DAB2IP: variants seen among roughly 807,000 people sequenced by gnomAD.
The protein encoded by DAB2IP is disabled homolog 2-interacting protein.
A neutral mutation model predicts 107.2 loss-of-function variants in DAB2IP; 28 were observed. The ratio of observed to expected loss-of-function variants is 0.26; its 90% CI spans 0.19 to 0.36. The LOEUF (loss-of-function observed/expected upper bound fraction) is 0.36. Ranked by LOEUF, DAB2IP falls within the 10% of genes least tolerant of loss-of-function variation. DAB2IP has a pLI of 1.00. For missense variants in DAB2IP, 1,400 were observed against 1,644.7 expected, an observed-to-expected ratio of 0.85 and a Z score of 2.57; for synonymous variants, 755 against 706.4, an observed-to-expected ratio of 1.07 and a Z score of -1.09.
At chr9:121,764,115 C>G (rs572753462) in intron 8 of DAB2IP, among the ~76,000 whole-genome samples, 1 of 152,332 alleles carries the variant, frequency 6.6e-6, no homozygotes, top group South Asian at 2.1e-4. Context: ...GAGGGAGCGC[C>G]CTTCATGTGC....
At chr9:121,732,162 A>G (rs904494978) in intron 3 of DAB2IP, among the ~76,000 whole-genome samples, 7 of 152,194 alleles carry the variant, frequency 4.6e-5, no homozygotes, top group Non-Finnish European at 1.0e-4. Context: ...GGTAGCATTC[A>G]GCCCCTGGCA....
At chr9:121,637,648 G>T (rs1158888533) in intron 1 of DAB2IP, among the ~76,000 whole-genome samples, 1 of 152,176 alleles carries the variant, frequency 6.6e-6, no homozygotes, top group Non-Finnish European at 1.5e-5. Context: ...GAAGGTTTGG[G>T]TCTGAAATGA....
chr9:121,750,056 C>G (rs1832995756), intron 3 of DAB2IP, among the ~76,000 whole-genome samples: 1 of 152,190 alleles, frequency 6.6e-6, no homozygotes, highest in Admixed American at 6.5e-5. Context: ...ATGGGAGTCA[C>G]TGACACCCCT....
rs1248552059 is a variant in DAB2IP, at chr9:121,783,365, CT to C, written c.*869del. 3 of 1,501,470 alleles carry C rather than the reference CT, an allele frequency of 2.0e-6. No individual in the cohort carries two copies. The African/African-American group carries it at 4.2e-5, about 21-fold the overall frequency. 93.0% of individuals were successfully genotyped at this position (1,501,470 alleles called of 1,614,324 possible). A position where few individuals can be genotyped will look rare whatever the true frequency, so the allele number is the denominator to read the frequency against. ...AGATGGCTCTGAGCACTGTATCTGC[CT>C]TCTCCTGGGGCCCAGCACACCCAGG... is the stretch of plus-strand genomic sequence containing the variant. On this transcript the variant is annotated 3_prime_UTR_variant, in exon 16 of 16. Transcript: ENST00000408936.
chr9:121,713,952 CA>C (rs1830463913), intron 3 of DAB2IP, among the ~76,000 whole-genome samples: 2 of 152,154 alleles, frequency 1.3e-5, no homozygotes. Context: ...TGATCTGGGA[CA>C]AGTCACCTAA....
At chr9:121,664,141 A>C (rs1225418627) in intron 1 of DAB2IP, among the ~76,000 whole-genome samples, 1 of 152,266 alleles carries the variant, frequency 6.6e-6, no homozygotes. Context: ...GTTGAAAAAC[A>C]TATCTTTTCC....
In DAB2IP at chr9:121,662,196, T is replaced by C. The variant is rs1343407774; in HGVS notation, c.124+10297T>C. 6.6e-6 allele frequency among the ~76,000 whole-genome samples: 1 copy of C among 152,156 alleles called. No individual in the cohort carries two copies. Among genetic ancestry groups the C allele is most frequent in the Non-Finnish European group, 1.5e-5 (1 of 68,046 alleles). On this transcript the variant is annotated intron_variant, in intron 1 of 15. Coordinates refer to ENST00000408936, the Ensembl canonical transcript of DAB2IP. This position sits in a 1 kb window ranked among gnomAD's most constrained non-coding sequence, Gnocchi z 4.6. ...TAGAACAGAAAAGCATAGAAAATAA[T>C]ATTGCAGACACCCACCTCTCAGGTT...
At chr9:121,688,749 G>C (rs547158105) in intron 2 of DAB2IP, among the ~76,000 whole-genome samples, 1 of 152,340 alleles carries the variant, frequency 6.6e-6, no homozygotes, top group East Asian at 1.9e-4. Flanking sequence ...CTCACCTGTG[G>C]CAGGCTCATG....
intron 1 of DAB2IP, among the ~76,000 whole-genome samples, chr9:121,655,704 C>T (rs1832942902): frequency 6.6e-6 from 1 of 152,170 alleles, no homozygotes; most frequent in South Asian, 2.1e-4. Context: ...GCTCTCCTGC[C>T]TCTTGGAATG....
At chr9:121,780,875 T>C (rs1835571547) in intron 14 of DAB2IP, among the ~76,000 whole-genome samples, 2 of 152,204 alleles carry the variant, frequency 1.3e-5, no homozygotes, top group African/African-American at 4.8e-5. Context: ...CTCCTACTGA[T>C]GTGCGACCTC....
chr9:121,587,839 G>GT (rs1304459726), intron 1 of DAB2IP, among the ~76,000 whole-genome samples: 1 of 151,942 alleles, frequency 6.6e-6, no homozygotes, highest in African/African-American at 2.4e-5. Flanking sequence ...AAAATGGGTA[G>GT]TTTTTTCAGT....
chr9:121,695,832 C>T (rs1829395293), intron 2 of DAB2IP, among the ~76,000 whole-genome samples: 1 of 152,202 alleles, frequency 6.6e-6, no homozygotes, highest in Admixed American at 6.5e-5. Context: ...GTCGGCTACA[C>T]TCTGAGCCTA....
At chr9:121,690,011 G>T (rs948242453) in intron 2 of DAB2IP, among the ~76,000 whole-genome samples, 1 of 152,184 alleles carries the variant, frequency 6.6e-6, no homozygotes, top group Non-Finnish European at 1.5e-5. Flanking sequence ...CAAATTAGTT[G>T]CCCTTTCTGA....
exon 12 of DAB2IP, chr9:121,773,178 C>T (rs749808489): frequency 1.3e-5 from 20 of 1,595,586 alleles, no homozygotes; most frequent in Middle Eastern, 3.3e-4. Flanking sequence ...GGAGCTGGCT[C>T]GGCGGCCCGG....
intron 7 of DAB2IP, 36 bp from the exon 8 acceptor site, chr9:121,763,699 G>A (rs776295877): frequency 2.5e-6 from 4 of 1,612,082 alleles, no homozygotes; most frequent in Non-Finnish European, 3.4e-6. Context: ...GGCCCGCCAG[G>A]TCCTCACTCC....
chr9:121,659,272 A>G (rs1321116044), intron 1 of DAB2IP, among the ~76,000 whole-genome samples: 1 of 152,202 alleles, frequency 6.6e-6, no homozygotes, highest in Non-Finnish European at 1.5e-5. Flanking sequence ...TAAATTGGTA[A>G]TCTGGAATAA....
intron 1 of DAB2IP, among the ~76,000 whole-genome samples, chr9:121,574,319 C>A (rs1830010596): frequency 6.6e-6 from 1 of 152,068 alleles, no homozygotes; most frequent in Admixed American, 6.5e-5. Flanking sequence ...GCCTCCATTT[C>A]CCCATCTGTG....
intron 3 of DAB2IP, among the ~76,000 whole-genome samples, chr9:121,742,257 G>T (rs1012524246): frequency 1.3e-5 from 2 of 152,162 alleles, no homozygotes; most frequent in South Asian, 4.1e-4. Context: ...GTGAAACCCC[G>T]TCTCTACTAA....
At chr9:121,714,731 C>G (rs997177239) in intron 3 of DAB2IP, among the ~76,000 whole-genome samples, 2 of 152,216 alleles carry the variant, frequency 1.3e-5, no homozygotes, top group South Asian at 4.1e-4. Context: ...AATTGTCCTA[C>G]AGGTGACTGT....
Sources: gnomAD v4.1 joint callset for allele counts (sites outside exome capture counted in the v4.1 genomes callset) on GRCh38, gnomAD v4.1.1 for gene constraint, Gnocchi (gnomAD v3.1) non-coding constraint, MANE v1.5 for transcripts, NCBI Gene and HGNC (gene_info 2026-07-23, HGNC 2026-07-21) for gene names.